GNAQ: variants seen among roughly 807,000 people sequenced by gnomAD.
GNAQ encodes the protein G protein subunit alpha q, also known as guanine nucleotide-binding protein G(q) subunit alpha.
GNAQ carries 8 observed loss-of-function variants against 43.9 expected under a neutral mutation model. The observed-to-expected ratio is 0.18, with a 90% CI of 0.11 to 0.33. GNAQ has a LOEUF of 0.33. GNAQ is among the 10% of genes least tolerant of loss of function. The probability of loss-of-function intolerance (pLI) is 1.00; values close to 1 mark genes in which losing one functional copy is unlikely to be tolerated. For synonymous variants in GNAQ, 155 were observed against 170.7 expected (o/e 0.91, Z 0.71); for missense variants, 158 against 450.8 (o/e 0.35, Z 5.88).
intron 1 of GNAQ, among the ~76,000 whole-genome samples, chr9:77,927,232 T>C (rs920646595): frequency 6.6e-6 from 1 of 152,228 alleles, no homozygotes; most frequent in Non-Finnish European, 1.5e-5. Context: ...TTATTTTGCC[T>C]ATTTGCATGA....
At chr9:77,819,161 A>G (rs1410173302) in intron 2 of GNAQ, among the ~76,000 whole-genome samples, 2 of 152,196 alleles carry the variant, frequency 1.3e-5, no homozygotes, top group Non-Finnish European at 2.9e-5. Flanking sequence ...CAGAATTCTT[A>G]GCAAGCTGGT....
intron 2 of GNAQ, among the ~76,000 whole-genome samples, chr9:77,876,978 C>A (rs917686636): frequency 3.3e-5 from 5 of 151,898 alleles, no homozygotes; most frequent in Middle Eastern, 3.4e-3. Context: ...ACGGCCATAT[C>A]TATTATTATC....
intron 1 of GNAQ, among the ~76,000 whole-genome samples, chr9:78,017,190 T>C (rs1823849480): frequency 6.6e-6 from 1 of 152,236 alleles, no homozygotes; most frequent in Non-Finnish European, 1.5e-5. Flanking sequence ...GAGTAAGACC[T>C]AATCTGTATC....
intron 1 of GNAQ, among the ~76,000 whole-genome samples, chr9:77,989,710 C>T (rs1294357455): frequency 6.6e-6 from 1 of 152,180 alleles, no homozygotes; most frequent in Non-Finnish European, 1.5e-5. Flanking sequence ...CTGGACTGCT[C>T]CATACATGAA....
intron 2 of GNAQ, among the ~76,000 whole-genome samples, chr9:77,902,199 C>T (rs945665801): frequency 6.6e-6 from 1 of 152,174 alleles, no homozygotes; most frequent in Non-Finnish European, 1.5e-5. Flanking sequence ...TCAGAATGTT[C>T]TTACACCTTA....
intron 5 of GNAQ, among the ~76,000 whole-genome samples, chr9:77,787,882 T>C (rs1587916735): frequency 6.6e-6 from 1 of 152,074 alleles, no homozygotes; most frequent in Non-Finnish European, 1.5e-5. Context: ...ATACAAAAAT[T>C]AGCCGGGCAT....
intron 5 of GNAQ, among the ~76,000 whole-genome samples, chr9:77,748,452 A>T (rs911193153): frequency 6.6e-6 from 1 of 152,236 alleles, no homozygotes; most frequent in Admixed American, 6.5e-5. Flanking sequence ...ACTTTTAAGG[A>T]CAAGCATGAA....
chr9:77,865,541 A>G (rs1827934229), intron 2 of GNAQ, among the ~76,000 whole-genome samples: 1 of 152,244 alleles, frequency 6.6e-6, no homozygotes, highest in Admixed American at 6.5e-5. Context: ...TGTAAAGAGC[A>G]GCATCACCAA....
chr9:77,762,119 A>G (rs1274841055), intron 5 of GNAQ, among the ~76,000 whole-genome samples: 5 of 96,772 alleles, frequency 5.2e-5, no homozygotes, highest in Admixed American at 1.0e-4. Flanking sequence ...TCCGGGAGGG[A>G]GGTGGGGGGT....
In GNAQ at chr9:78,031,315, C is replaced by A; in HGVS notation, c.-80G>T. 1 of 1,170,518 alleles carries A rather than the reference C, an allele frequency of 8.5e-7. No homozygotes were observed. The highest frequency in any genetic ancestry group is 1.1e-6 in the Non-Finnish European group (1 of 911,106). 72.5% of individuals were successfully genotyped at this position (1,170,518 alleles called of 1,614,324 possible). A position where few individuals can be genotyped will look rare whatever the true frequency, so the allele number is the denominator to read the frequency against. On this transcript the variant is annotated 5_prime_UTR_variant, in exon 1 of 7. Coordinates refer to ENST00000286548, the MANE Select transcript of GNAQ (RefSeq NM_002072.5). ...ACACACACCCTCCCGCCCTCGCTCC[C>A]CCGAGGCAGCGGTGGCCGCCGAGCC...
At chr9:77,926,220 C>T (rs1829070924) in intron 1 of GNAQ, among the ~76,000 whole-genome samples, 1 of 152,092 alleles carries the variant, frequency 6.6e-6, no homozygotes, top group African/African-American at 2.4e-5. Flanking sequence ...TGTCATTCTC[C>T]TATTTTTATA....
At chr9:77,949,791 A>T (rs11145630) in intron 1 of GNAQ, among the ~76,000 whole-genome samples, 55,185 of 152,076 alleles carry the variant, frequency 0.36, 11,883 homozygotes, top group Non-Finnish European at 0.47. Context: ...AAACTTTTCC[A>T]TATTTCCCGT....
intron 3 of GNAQ, among the ~76,000 whole-genome samples, chr9:77,813,835 T>C (rs190646168): frequency 6.1e-4 from 93 of 151,958 alleles, no homozygotes; most frequent in African/African-American, 2.1e-3. Flanking sequence ...AAACTAAAAG[T>C]TAAAAGATAG....
At chr9:77,769,664 C>G (rs1057345273) in intron 5 of GNAQ, among the ~76,000 whole-genome samples, 1 of 129,114 alleles carries the variant, frequency 7.7e-6, no homozygotes, top group Non-Finnish European at 1.6e-5. Flanking sequence ...GACAAGAACT[C>G]TTTTTTTTTT....
chr9:77,810,656 G>C (rs1826904680), intron 3 of GNAQ, among the ~76,000 whole-genome samples: 1 of 152,166 alleles, frequency 6.6e-6, no homozygotes, highest in African/African-American at 2.4e-5. Context: ...GCCAAAGAGA[G>C]ACTGGTGCTT....
chr9:77,962,048 A>T (rs1024511631), intron 1 of GNAQ, among the ~76,000 whole-genome samples: 2 of 152,342 alleles, frequency 1.3e-5, no homozygotes, highest in Admixed American at 1.3e-4. Flanking sequence ...AAAATACAAC[A>T]GATAGAAATA....
At chr9:77,740,447 G>A (rs573725991) in intron 5 of GNAQ, among the ~76,000 whole-genome samples, 1 of 152,246 alleles carries the variant, frequency 6.6e-6, no homozygotes, top group Admixed American at 6.5e-5. Flanking sequence ...AAATAACATA[G>A]GCAATCAGAG....
intron 2 of GNAQ, among the ~76,000 whole-genome samples, chr9:77,833,771 T>C (rs1256409035): frequency 1.3e-5 from 2 of 152,210 alleles, no homozygotes; most frequent in Non-Finnish European, 2.9e-5. Flanking sequence ...TTTATTCTTA[T>C]ACTTGTTTTA....
chr9:77,743,950 T>G (rs1353134609), intron 5 of GNAQ, among the ~76,000 whole-genome samples: 1 of 152,146 alleles, frequency 6.6e-6, no homozygotes, highest in Non-Finnish European at 1.5e-5. Flanking sequence ...GGTACACAGA[T>G]TTATATATTT....
Sources: allele counts gnomAD v4.1 joint callset (sites outside exome capture counted in the v4.1 genomes callset), GRCh38; gene constraint gnomAD v4.1.1; transcripts MANE v1.5; gene names NCBI Gene and HGNC (gene_info 2026-07-23, HGNC 2026-07-21).